The following PHF21B variants were observed in gnomAD, a reference collection of about 807,000 sequenced individuals.
The protein encoded by PHF21B is PHD finger protein 21B, also known as PHD finger protein 4.
Under a neutral mutation model 62.2 loss-of-function variants are expected in PHF21B, and 22 were observed. The observed-to-expected ratio is 0.35, with a 90% CI of 0.25 to 0.51. PHF21B has a LOEUF of 0.51. PHF21B is among the 20% of genes least tolerant of loss of function. PHF21B has a pLI of 0.97. For missense variants in PHF21B, 701 were observed against 707.9 expected (o/e 0.99, Z 0.11); for synonymous variants, 341 against 314.7 (o/e 1.08, Z -0.88).
rs575343043 is a variant in PHF21B, at chr22:44,976,077, G to C, written c.120+32468C>G. 1.6e-3 allele frequency among the ~76,000 whole-genome samples: 246 copies of C among 152,276 alleles called. 1 individual carries two copies. The highest frequency in any genetic ancestry group is 5.5e-3 in the African/African-American group (230 of 41,552). ...TCCCAGCTACTCAGGAGGCTGAGGT[G>C]GGAGGATCACCCGAGCCCAGGAGGC... On this transcript the variant is annotated intron_variant, in intron 2 of 12. Coordinates refer to ENST00000313237, the MANE Select transcript of PHF21B (RefSeq NM_138415.5).
intron 2 of PHF21B, among the ~76,000 whole-genome samples, chr22:45,005,004 T>C (rs1245258735): frequency 6.6e-6 from 1 of 152,152 alleles, no homozygotes; most frequent in African/African-American, 2.4e-5. Context: ...TGCACCTGCA[T>C]GAAGTTCAGG....
At position 44,932,586 on chromosome 22, in the gene PHF21B, A is replaced by G. The variant is rs539601071; in HGVS notation, c.121-12096T>C. 2.5e-3 allele frequency among the ~76,000 whole-genome samples: 386 copies of G among 152,372 alleles called. 3 individuals are homozygous for G. Among genetic ancestry groups the G allele is most frequent in the African/African-American group, 8.8e-3 (365 of 41,596 alleles). ...TCTAATTCCCACAAAAGATGGGTTC[A>G]CACAGTCCCGCTGGCCTCAGCTTCA... On this transcript the variant is annotated intron_variant, in intron 2 of 12. Coordinates refer to ENST00000313237, the MANE Select transcript of PHF21B (RefSeq NM_138415.5).
chr22:44,986,848 G>A (rs537804260), intron 2 of PHF21B, among the ~76,000 whole-genome samples: 27 of 151,988 alleles, frequency 1.8e-4, no homozygotes, highest in Non-Finnish European at 3.5e-4. Context: ...AGGTGCAGGC[G>A]GGGTCCTGGA....
intron 2 of PHF21B, among the ~76,000 whole-genome samples, chr22:44,963,080 C>T (rs1384437510): frequency 1.3e-5 from 2 of 152,214 alleles, no homozygotes; most frequent in African/African-American, 4.8e-5. Flanking sequence ...ACAGGGGCTG[C>T]CCCCCAGATC....
At chr22:45,008,692 G>C in intron 1 of PHF21B, 82 bp from the exon 2 acceptor site, 1 of 1,209,854 alleles carries the variant, frequency 8.3e-7, no homozygotes. Flanking sequence ...GGCACCCCCC[G>C]CCCGGAGCCC....
At position 45,009,254 on chromosome 22, in the gene PHF21B, C is replaced by T. The variant is rs2073382049; in HGVS notation, c.54+242G>A. On this transcript the variant is annotated intron_variant, in intron 1 of 12. Transcript: ENST00000313237. The surrounding 1 kb of genome is among the most constrained non-coding windows in gnomAD (Gnocchi z 5.9). ...AGACCCTACATCGCTTAAGAGAAGA[C>T]TCCAGGCTCGGGTCCCACGCGTCCT... is the stretch of plus-strand genomic sequence containing the variant. 11 of 542,852 alleles carry T rather than the reference C, an allele frequency of 2.0e-5. No individual in the cohort carries two copies. The highest frequency in any genetic ancestry group is 1.6e-4 in the Admixed American group (4 of 25,092). The allele number at this position is 542,852 out of a possible 1,614,324, so 33.6% of individuals were successfully genotyped here.
intron 2 of PHF21B, among the ~76,000 whole-genome samples, chr22:44,934,703 T>A: frequency 6.6e-6 from 1 of 151,454 alleles, no homozygotes; most frequent in East Asian, 1.9e-4. Context: ...AGTCCTGGAG[T>A]CCCCTGAGTC....
chr22:44,883,351 C>G, intron 12 of PHF21B, 47 bp from the exon 13 acceptor site: 1 of 1,574,450 alleles, frequency 6.4e-7, no homozygotes, highest in South Asian at 1.1e-5. Flanking sequence ...TTCGGCTCTA[C>G]AGCCATCCTG....
intron 2 of PHF21B, among the ~76,000 whole-genome samples, chr22:44,975,645 C>A (rs1006662345): frequency 6.6e-6 from 1 of 152,232 alleles, no homozygotes; most frequent in Non-Finnish European, 1.5e-5. Flanking sequence ...GGAACCCAGG[C>A]TCCTGCCACC....
At chr22:44,903,955 T>C (rs944707621) in intron 5 of PHF21B, among the ~76,000 whole-genome samples, 9 of 152,220 alleles carry the variant, frequency 5.9e-5, no homozygotes, top group African/African-American at 1.9e-4. Context: ...CTGAGTTATT[T>C]GGACTTATTT....
chr22:44,886,179 C>T (rs1357193218), intron 10 of PHF21B, among the ~76,000 whole-genome samples: 1 of 152,094 alleles, frequency 6.6e-6, no homozygotes, highest in African/African-American at 2.4e-5. Flanking sequence ...GAACAGGCAG[C>T]AGGCTCAAAT....
At chr22:44,893,973 G>A (rs1214799226) in intron 6 of PHF21B, among the ~76,000 whole-genome samples, 1 of 152,242 alleles carries the variant, frequency 6.6e-6, no homozygotes, top group East Asian at 1.9e-4. Flanking sequence ...CTGCCCCAGT[G>A]CAGCCCCCAG....
intron 2 of PHF21B, among the ~76,000 whole-genome samples, chr22:44,939,906 A>C (rs904253514): frequency 6.6e-6 from 1 of 152,102 alleles, no homozygotes; most frequent in Non-Finnish European, 1.5e-5. Flanking sequence ...AGGATGAGTA[A>C]GACATGGTTG....
At chr22:44,926,553 C>A (rs1286006410) in intron 2 of PHF21B, among the ~76,000 whole-genome samples, 1 of 152,238 alleles carries the variant, frequency 6.6e-6, no homozygotes, top group Non-Finnish European at 1.5e-5. Flanking sequence ...CCACATGTGC[C>A]TCTGTGAGTC....
intron 5 of PHF21B, among the ~76,000 whole-genome samples, chr22:44,904,867 T>C (rs1043152175): frequency 6.6e-6 from 1 of 152,018 alleles, no homozygotes; most frequent in Admixed American, 6.6e-5. Context: ...CTGGGTCAGG[T>C]TGGCAGCAAC....
At position 44,916,244 on chromosome 22, in the gene PHF21B, G is replaced by A. The variant is rs115886966; in HGVS notation, c.564+36C>T. ...TGCTCTCGGCCTCCTGTATGCGGCC[G>A]CACACCCTTTCCGGAGCCTGCTGGT... On this transcript the variant is annotated intron_variant, in intron 4 of 12. Coordinates refer to ENST00000313237, the MANE Select transcript of PHF21B (RefSeq NM_138415.5). The A allele has an allele frequency of 8.8e-4, 1,396 of 1,583,870 alleles. 8 individuals are homozygous for A. The African/African-American group carries it at 0.016, about 18-fold the overall frequency.
chr22:44,900,019 G>A (rs148039910), intron 5 of PHF21B, among the ~76,000 whole-genome samples: 12 of 152,220 alleles, frequency 7.9e-5, no homozygotes, highest in African/African-American at 2.6e-4. Context: ...CAGCTTTAAA[G>A]GGTATTTTCT....
intron 2 of PHF21B, among the ~76,000 whole-genome samples, chr22:44,972,642 G>C (rs1040108625): frequency 1.3e-5 from 2 of 152,230 alleles, no homozygotes; most frequent in African/African-American, 4.8e-5. Context: ...AGGGTGCTCT[G>C]GGCAGAAGCG....
rs115694109 is a variant in PHF21B, at chr22:44,916,394, G to A, written c.450C>T (p.Tyr150=). The A allele has an allele frequency of 1.0e-4, 161 of 1,591,022 alleles. No homozygotes were observed. In the African/African-American group the frequency reaches 1.3e-3, roughly 13 times the overall value. The part of the protein sequence containing the change: ...ASPLSSAGVA[Y]AIISTSPSNA... ...TGCTGGGGGAGGTGGAGATGATGGCGTAGGCCACCCCCGCACTGCTCAGCG... is the reference window on the plus strand; with the variant it reads ...TGCTGGGGGAGGTGGAGATGATGGCATAGGCCACCCCCGCACTGCTCAGCG... Residue 150 remains tyrosine (Y), a synonymous_variant, in exon 4 of 13, where the codon TAC becomes TAT. Transcript: ENST00000313237.
Sources: allele counts gnomAD v4.1 joint callset (sites outside exome capture counted in the v4.1 genomes callset), GRCh38; gene constraint gnomAD v4.1.1; non-coding constraint Gnocchi (gnomAD v3.1); transcripts MANE v1.5; gene names NCBI Gene and HGNC (gene_info 2026-07-23, HGNC 2026-07-21).